Variants in MAP3K19 observed in about 807,000 individuals in gnomAD.
MAP3K19 encodes SPS1/STE20-related protein kinase YSK4.
MAP3K19 carries 91 observed loss-of-function variants against 114.4 expected under a neutral mutation model. The ratio of observed to expected loss-of-function variants is 0.80; its 90% confidence interval spans 0.67 to 0.95. MAP3K19 has a LOEUF of 0.95. Among genes scored for constraint, MAP3K19 ranks in the 40% least tolerant of loss-of-function variants. MAP3K19 has a pLI of 0.00. For missense variants in MAP3K19, 1,471 were observed against 1,573.2 expected, an observed-to-expected ratio of 0.94 and a Z score of 1.10; for synonymous variants, 518 against 530.5, an observed-to-expected ratio of 0.98 and a Z score of 0.32.
chr2:135,040,970 C>G (rs1334985847), intron 1 of MAP3K19, among the ~76,000 whole-genome samples: 1 of 152,070 alleles, frequency 6.6e-6, no homozygotes, highest in African/African-American at 2.4e-5. Context: ...ATGATTGTCC[C>G]CTCTTCAGAA....
chr2:135,013,223 G>C (rs1450074177), intron 5 of MAP3K19, among the ~76,000 whole-genome samples: 2 of 151,834 alleles, frequency 1.3e-5, no homozygotes, highest in Non-Finnish European at 2.9e-5. Flanking sequence ...AGGAAGCTGA[G>C]GCAGAAGAAT....
chr2:134,968,470 T>C (rs1384892310), intron 12 of MAP3K19, among the ~76,000 whole-genome samples: 15 of 129,014 alleles, frequency 1.2e-4, no homozygotes, highest in African/African-American at 2.8e-4. Flanking sequence ...CCGGATGGGG[T>C]GGCTGGCCGG....
At chr2:135,041,941 T>C (rs1448619950) in intron 1 of MAP3K19, among the ~76,000 whole-genome samples, 1 of 152,122 alleles carries the variant, frequency 6.6e-6, no homozygotes, top group Non-Finnish European at 1.5e-5. Flanking sequence ...ACAGAGAACA[T>C]GTGTTCTGTT....
At chr2:134,995,587 C>T (rs1685928137) in intron 8 of MAP3K19, among the ~76,000 whole-genome samples, 2 of 152,162 alleles carry the variant, frequency 1.3e-5, no homozygotes, top group African/African-American at 4.8e-5. Context: ...GTGCAATACA[C>T]AGGATGGGAT....
intron 8 of MAP3K19, among the ~76,000 whole-genome samples, chr2:134,996,385 C>G (rs1685995984): frequency 6.6e-6 from 1 of 150,702 alleles, no homozygotes; most frequent in African/African-American, 2.4e-5. Flanking sequence ...TTTGTAATGG[C>G]TATGTGCCAG....
chr2:135,038,398 A>G (rs1427708246), intron 2 of MAP3K19, among the ~76,000 whole-genome samples: 1 of 151,890 alleles, frequency 6.6e-6, no homozygotes, highest in African/African-American at 2.4e-5. Context: ...CAGCCTCCCA[A>G]AGTGCTGGGA....
chr2:135,032,346 G>A, intron 2 of MAP3K19, among the ~76,000 whole-genome samples: 1 of 135,728 alleles, frequency 7.4e-6, no homozygotes, highest in African/African-American at 2.9e-5. Flanking sequence ...GACAGAGTGA[G>A]ACTCTGTCTG....
intron 6 of MAP3K19, 130 bp from the exon 7 acceptor site, chr2:135,000,145 A>C (rs1255961438): frequency 1.5e-6 from 1 of 649,580 alleles, no homozygotes; most frequent in African/African-American, 1.8e-5. Flanking sequence ...TCAGGAGCTG[A>C]GGTTTAGCCA....
intron 5 of MAP3K19, among the ~76,000 whole-genome samples, chr2:135,019,135 G>A (rs1687801498): frequency 6.6e-6 from 1 of 152,138 alleles, no homozygotes; most frequent in Admixed American, 6.5e-5. Flanking sequence ...TGTAAAATGT[G>A]AAACTATAAA....
intron 10 of MAP3K19, among the ~76,000 whole-genome samples, chr2:134,984,585 C>A (rs1212139485): frequency 1.3e-5 from 2 of 152,184 alleles, no homozygotes; most frequent in African/African-American, 4.8e-5. Flanking sequence ...AGACTAGTAT[C>A]TCTAGCAAAC....
At chr2:135,004,765 G>A (rs1190596284) in intron 6 of MAP3K19, among the ~76,000 whole-genome samples, 2 of 152,188 alleles carry the variant, frequency 1.3e-5, no homozygotes, top group Non-Finnish European at 2.9e-5. Context: ...TGTTCTGGAA[G>A]ATTCCAGACT....
chr2:135,031,156 TTTAAAAAAAAAAAAAAAGGCAATTGC>T (rs1688370630), intron 2 of MAP3K19, among the ~76,000 whole-genome samples: 1 of 128,764 alleles, frequency 7.8e-6, no homozygotes, highest in Non-Finnish European at 1.5e-5. Flanking sequence ...CAGAGACATA[TTTAAAAAAAAAAAAAAAGGCAATTGC>T]AACATGGGGT....
intron 12 of MAP3K19, among the ~76,000 whole-genome samples, chr2:134,979,824 A>T (rs1212337877): frequency 6.6e-6 from 1 of 152,082 alleles, no homozygotes; most frequent in African/African-American, 2.4e-5. Flanking sequence ...AGGCTGATAC[A>T]CATGTGCTGG....
chr2:135,005,205 G>A (rs959199970), intron 6 of MAP3K19, among the ~76,000 whole-genome samples: 2 of 152,050 alleles, frequency 1.3e-5, no homozygotes, highest in African/African-American at 4.8e-5. Flanking sequence ...TTGTTCCATA[G>A]GTAAACATGT....
intron 2 of MAP3K19, among the ~76,000 whole-genome samples, chr2:135,030,828 G>A (rs1021453464): frequency 6.6e-5 from 10 of 152,108 alleles, no homozygotes; most frequent in African/African-American, 9.7e-5. Flanking sequence ...AGGTTGAGGC[G>A]GGAGGATCAC....
intron 12 of MAP3K19, among the ~76,000 whole-genome samples, chr2:134,975,194 A>C (rs1162702671): frequency 6.6e-6 from 1 of 152,208 alleles, no homozygotes; most frequent in Admixed American, 6.5e-5. Flanking sequence ...AGGCTTGCTC[A>C]GGTCCTGGTA....
rs779088886 is a variant in MAP3K19 at position 135,027,468 on chromosome 2, A to C, written c.-94-2727T>G. On this transcript the variant is annotated intron_variant, in intron 3 of 12. Coordinates refer to ENST00000392915, the MANE Select transcript of MAP3K19 (RefSeq NM_025052.5). The stretch of plus-strand genomic sequence containing the variant: ...AAAGAAGCTTTGTGTCTCGGTTTAC[A>C]TGTGATTTCTGTAAATAACAATTGA... 2.6e-4 allele frequency among the ~76,000 whole-genome samples: 40 copies of C among 152,298 alleles called. 1 individual carries two copies. The highest frequency in any genetic ancestry group is 3.4e-3 in the Middle Eastern group (1 of 294).
chr2:134,968,483 G>C (rs1374064694), intron 12 of MAP3K19, among the ~76,000 whole-genome samples: 2 of 145,806 alleles, frequency 1.4e-5, no homozygotes, highest in African/African-American at 2.6e-5. Flanking sequence ...CTGGCCGGGC[G>C]GGGGGCTGAC....
At chr2:134,990,817 G>A (rs1320232240) in intron 9 of MAP3K19, among the ~76,000 whole-genome samples, 1 of 152,062 alleles carries the variant, frequency 6.6e-6, no homozygotes, top group Admixed American at 6.5e-5. Context: ...TGGCTTTATT[G>A]TAAGAATACA....
Sources: gnomAD v4.1 joint callset for allele counts (sites outside exome capture counted in the v4.1 genomes callset) on GRCh38, gnomAD v4.1.1 for gene constraint, MANE v1.5 for transcripts, NCBI Gene and HGNC (gene_info 2026-07-23, HGNC 2026-07-21) for gene names.